Variants in MYO1C observed in about 807,000 individuals in gnomAD.
The protein encoded by MYO1C is myosin IC.
Under a neutral mutation model 150.8 loss-of-function variants are expected in MYO1C, and 104 were observed. That is an observed-to-expected ratio of 0.69 (90% confidence interval 0.59 to 0.81). The LOEUF (loss-of-function observed/expected upper bound fraction) is 0.81, where lower values mean the gene tolerates loss of function less well. Ranked by LOEUF, MYO1C falls within the 30% of genes least tolerant of loss-of-function variation. The pLI, the probability that MYO1C is intolerant of heterozygous loss-of-function variation, is 0.00. For missense variants in MYO1C, 1,504 were observed against 1,435.0 expected (o/e 1.05, Z -0.78); for synonymous variants, 663 against 579.9 (o/e 1.14, Z -2.06).
Position 1,465,680 on chromosome 17 carries a change from G to C in MYO1C, c.*46C>G. 1 of 1,329,200 alleles carries C rather than the reference G, an allele frequency of 7.5e-7. No homozygotes were observed. Among genetic ancestry groups the C allele is most frequent in the Non-Finnish European group, 9.7e-7 (1 of 1,028,784 alleles). 82.3% of individuals were successfully genotyped at this position (1,329,200 alleles called of 1,614,324 possible). ...TTGGTAACTGGGAAGGGGAGGAGGA[G>C]AAAAGCAAAGCATTGGGCGTTGGGA... is the stretch of plus-strand genomic sequence containing the variant. On this transcript the variant is annotated 3_prime_UTR_variant, in exon 32 of 32. Coordinates refer to ENST00000648651, the MANE Select transcript of MYO1C (RefSeq NM_001080779.2).
chr17:1,476,313 T>C (rs1344191702), intron 14 of MYO1C, among the ~76,000 whole-genome samples: 1 of 152,078 alleles, frequency 6.6e-6, no homozygotes, highest in African/African-American at 2.4e-5. Context: ...GCTGGAATTA[T>C]AGGTGCCCAC....
intron 13 of MYO1C, 23 bp downstream of exon 13, chr17:1,477,868 C>T (rs1386549846): frequency 1.9e-6 from 3 of 1,594,196 alleles, no homozygotes; most frequent in South Asian, 1.1e-5. Flanking sequence ...CAGCACCAGG[C>T]CTTGGAGGCG....
In MYO1C at chr17:1,467,479, C is replaced by G. The variant is rs1316323026; in HGVS notation, c.3065+1G>C. The G allele has an allele frequency of 6.2e-7, 1 of 1,613,096 alleles. No homozygotes were observed. The highest frequency in any genetic ancestry group is 1.7e-5 in the Admixed American group (1 of 60,002). On this transcript the variant is annotated splice_donor_variant, in intron 30 of 31. Transcript: ENST00000648651. LOFTEE classifies it high-confidence loss of function. The stretch of plus-strand genomic sequence containing the variant: ...GTCCCCGGGGGCCGCCCGCGCCTCA[C>G]CTGCCCTGGTTGATGTTGATGCTGT...
In MYO1C at chr17:1,485,217, C is replaced by T. The variant is rs553867610; in HGVS notation, c.76-914G>A. The T allele has an allele frequency of 1.4e-4, 164 of 1,176,892 alleles. No individual in the cohort carries two copies. The African/African-American group carries it at 2.4e-3, about 17-fold the overall frequency. 72.9% of individuals were successfully genotyped at this position (1,176,892 alleles called of 1,614,324 possible). ...CCCCACAACCAGGGCTGAGATGGAT[C>T]CCTCTTCAAACAGGGTCTCAGGGCT... On this transcript the variant is annotated intron_variant, in intron 1 of 31. Transcript: ENST00000648651.
intron 26 of MYO1C, 46 bp downstream of exon 26, chr17:1,468,357 C>T: frequency 6.2e-7 from 1 of 1,613,664 alleles, no homozygotes; most frequent in Non-Finnish European, 8.5e-7. Context: ...AATGGGGGAC[C>T]AGGATGGTGA....
Position 1,478,177 on chromosome 17 carries a change from G to A in MYO1C, c.1311C>T (p.Cys437=), listed in dbSNP as rs149406971. 2.2e-4 allele frequency: 360 copies of A among 1,613,782 alleles called. No homozygotes were observed. The highest frequency in any genetic ancestry group is 8.2e-4 in the Middle Eastern group (5 of 6,062). The change falls in exon 12 of 32, where the codon TGC becomes TGT. Residue 437 remains cysteine (C), a synonymous_variant. Transcript: ENST00000648651. The surrounding 1 kb of genome is among the most constrained non-coding windows in gnomAD (Gnocchi z 6.3). ...GCAGCTTCTCGTTGCAGTAATTGAT[G>A]CAGAACTGCTCAAAGCTGTAAGGAA... ...VFQHNSFEQF[C]INYCNEKLQQ... is the part of the protein sequence containing the mutation.
At position 1,478,524 on chromosome 17, in the gene MYO1C, C is replaced by A; in HGVS notation, c.1213-32G>T. 1 of 1,613,824 alleles carries A rather than the reference C, an allele frequency of 6.2e-7. No homozygotes were observed. Among genetic ancestry groups the A allele is most frequent in the South Asian group, 1.1e-5 (1 of 91,082 alleles). ...CAGTCATTCAACCGAAGGCGTGGGC[C>A]CCCTGCGCGTGCCAGCCCCACCCTG... On this transcript the variant is annotated intron_variant, in intron 10 of 31. Transcript: ENST00000648651. This position sits in a 1 kb window ranked among gnomAD's most constrained non-coding sequence, Gnocchi z 6.3.
intron 5 of MYO1C, 72 bp from the exon 6 acceptor site, chr17:1,480,957 C>T: frequency 1.9e-6 from 3 of 1,546,676 alleles, no homozygotes; most frequent in Middle Eastern, 1.9e-4. Context: ...CTCTTCTCCC[C>T]TGCACTCCTG....
Position 1,477,898 on chromosome 17 carries a change from G to A in MYO1C, c.1475C>T (p.Ser492Leu), listed in dbSNP as rs770795922. 12 of 1,613,876 alleles carry A rather than the reference G, an allele frequency of 7.4e-6. No individual in the cohort carries two copies. The highest frequency in any genetic ancestry group is 6.7e-5 in the Admixed American group (4 of 59,998). ...GAGGCGCAGAGGACTCACCAAAATC[G>A]AGATGATGCCCTTAAACTTCTCCTC... ...LVEEKFKGII[S>L]ILDEECLRPG... Residue 492 changes from serine (S) to leucine (L), a missense_variant, in exon 13 of 32, where the codon TCG becomes TTG. Transcript: ENST00000648651.
At chr17:1,492,274 T>C (rs2074743837) in intron 1 of MYO1C, 139 bp downstream of exon 1, 1 of 818,536 alleles carries the variant, frequency 1.2e-6, no homozygotes, top group East Asian at 2.7e-5. Context: ...CCCCGTCTTG[T>C]TCAGTCTGTT....
intron 25 of MYO1C, chr17:1,469,109 C>T (rs557739033): frequency 8.7e-5 from 28 of 323,514 alleles, no homozygotes; most frequent in South Asian, 5.2e-4. Flanking sequence ...GGGGTAAATA[C>T]GGTAGACTAG....
chr17:1,473,136 G>C (rs1424067006), intron 17 of MYO1C, among the ~76,000 whole-genome samples: 1 of 152,234 alleles, frequency 6.6e-6, no homozygotes, highest in Non-Finnish European at 1.5e-5. Context: ...GGAGGCAGAG[G>C]TTGCAGTGAG....
chr17:1,479,662 A>G lies in MYO1C; in HGVS notation c.950T>C (p.Ile317Thr), dbSNP rs1321353057. 3 of 1,613,192 alleles carry G rather than the reference A, an allele frequency of 1.9e-6. No homozygotes were observed. Among genetic ancestry groups the G allele is most frequent in the East Asian group, 2.2e-5 (1 of 44,838 alleles). The change falls in exon 8 of 32, where the codon ATC (isoleucine) becomes ACC (threonine). Residue 317 changes from isoleucine (I) to threonine (T), a missense_variant. Physicochemically the swap from Ile to Thr is moderately conservative, Grantham distance 89. Coordinates refer to ENST00000648651, the MANE Select transcript of MYO1C (RefSeq NM_001080779.2). This position sits in a 1 kb window ranked among gnomAD's most constrained non-coding sequence, Gnocchi z 4.2. Reference sequence around the variant, plus strand: ...GCTCTCCTCGTTGGCAGCAAAGTGGATGTTGCCCAAATGAAGGACGCTGGC... The same window carrying G: ...GCTCTCCTCGTTGGCAGCAAAGTGGGTGTTGCCCAAATGAAGGACGCTGGC... ...IVASVLHLGN[I>T]HFAANEESNA...
At position 1,484,290 on chromosome 17, in the gene MYO1C, T is replaced by G. The variant is rs368504226; in HGVS notation, c.89A>C (p.Asp30Ala). Residue 30 changes from aspartate to alanine, a missense_variant, in exon 2 of 32, where the codon GAC becomes GCC. Transcript: ENST00000648651. ...ACTCTCCATGGTCACCCGAACCCCGTCACTGCCCAGGGCCTGCAGAGAATG... is the reference window on the plus strand; with the variant it reads ...ACTCTCCATGGTCACCCGAACCCCGGCACTGCCCAGGGCCTGCAGAGAATG... ...HRPCKLALGSDGVRVTMESAL... is the reference protein window; with the variant it reads ...HRPCKLALGSAGVRVTMESAL... The G allele has an allele frequency of 1.2e-6, 2 of 1,610,606 alleles. No homozygotes were observed. The highest frequency in any genetic ancestry group is 1.7e-6 in the Non-Finnish European group (2 of 1,179,980).
chr17:1,468,869 G>A, intron 25 of MYO1C: 1 of 364,952 alleles, frequency 2.7e-6, no homozygotes, highest in East Asian at 6.3e-5. Context: ...CCAATACTGA[G>A]TTGGCAAAAA....
rs758084179 is a variant in MYO1C, at chr17:1,478,744, G to A, written c.1093-9C>T. ...TTCAGCGGGCTCAGGAGCTGTGGAC[G>A]CAGCGTGAGACAAGGAGATGAATGC... On this transcript the variant is annotated splice_polypyrimidine_tract_variant and intron_variant, in intron 9 of 31. Coordinates refer to ENST00000648651, the MANE Select transcript of MYO1C (RefSeq NM_001080779.2). This position sits in a 1 kb window ranked among gnomAD's most constrained non-coding sequence, Gnocchi z 6.3. 5 of 1,613,620 alleles carry A rather than the reference G, an allele frequency of 3.1e-6. No homozygotes were observed. The highest frequency in any genetic ancestry group is 1.3e-5 in the African/African-American group (1 of 75,050).
At chr17:1,474,891 G>A (rs2150945877) in intron 15 of MYO1C, 33 bp from the exon 16 acceptor site, 1 of 1,613,516 alleles carries the variant, frequency 6.2e-7, no homozygotes, top group Non-Finnish European at 8.5e-7. Context: ...AGGTGAGACA[G>A]AGCCTCCCCG....
chr17:1,475,941 T>G (rs1050739147), intron 14 of MYO1C, among the ~76,000 whole-genome samples: 7 of 152,062 alleles, frequency 4.6e-5, no homozygotes, highest in African/African-American at 1.7e-4. Flanking sequence ...CTGAGCCTTA[T>G]ACACAAGTTC....
rs748485480 is a variant in MYO1C, at chr17:1,482,579, G to T, written c.547-21C>A. On this transcript the variant is annotated intron_variant, in intron 4 of 31. Coordinates refer to ENST00000648651, the MANE Select transcript of MYO1C (RefSeq NM_001080779.2). ...AAGGCCTAGGAGTGGACAGGGGTAT[G>T]AGGGACACCTGGCACTCTCCCCCTG... 8 of 1,604,852 alleles carry T rather than the reference G, an allele frequency of 5.0e-6. No homozygotes were observed. The South Asian group carries it at 8.8e-5, about 18-fold the overall frequency.
Sources: gnomAD v4.1 joint callset for allele counts (sites outside exome capture counted in the v4.1 genomes callset) on GRCh38, gnomAD v4.1.1 for gene constraint, Gnocchi (gnomAD v3.1) non-coding constraint, MANE v1.5 for transcripts, NCBI Gene and HGNC (gene_info 2026-07-23, HGNC 2026-07-21) for gene names.